Variants in CSGALNACT1 observed in about 807,000 individuals in gnomAD.
The protein encoded by CSGALNACT1 is chondroitin sulfate N-acetylgalactosaminyltransferase 1.
Under a neutral mutation model 51.0 loss-of-function variants are expected in CSGALNACT1, and 52 were observed. That is an observed-to-expected ratio of 1.02 (90% CI 0.82 to 1.29). CSGALNACT1 has a LOEUF of 1.29. Among genes scored for constraint, CSGALNACT1 ranks in the 50% most tolerant of loss-of-function variants. The pLI is 0.00. For missense variants in CSGALNACT1, 935 were observed against 679.2 expected (o/e 1.38, Z -4.19); for synonymous variants, 341 against 254.4 (o/e 1.34, Z -3.24).
At chr8:19,628,357 A>T (rs1180565916) in intron 1 of CSGALNACT1, among the ~76,000 whole-genome samples, 2 of 152,214 alleles carry the variant, frequency 1.3e-5, no homozygotes, top group Admixed American at 6.5e-5. Flanking sequence ...TAAGACCATC[A>T]GCTCTCATGA....
At chr8:19,606,443 T>C (rs551244577), upstream of CSGALNACT1, among the ~76,000 whole-genome samples, 7 of 152,222 alleles carry the variant, frequency 4.6e-5, no homozygotes, top group Non-Finnish European at 1.0e-4. Context: ...ATGTCACACA[T>C]GATAAATTGT....
intron 6 of CSGALNACT1, among the ~76,000 whole-genome samples, chr8:19,431,299 T>C (rs931590219): frequency 6.6e-5 from 10 of 152,118 alleles, no homozygotes; most frequent in Admixed American, 3.3e-4. Context: ...TTTTCATAGA[T>C]GGTTTTTTGT....
intron 5 of CSGALNACT1, among the ~76,000 whole-genome samples, 168 bp downstream of exon 4, chr8:19,458,258 T>C (rs1218957038): frequency 6.6e-6 from 1 of 152,228 alleles, no homozygotes; most frequent in Non-Finnish European, 1.5e-5. Flanking sequence ...CTAATTGCTC[T>C]AGGGAAAGGC....
At chr8:19,659,191 C>T (rs1244603667) in intron 1 of CSGALNACT1, among the ~76,000 whole-genome samples, 2 of 152,164 alleles carry the variant, frequency 1.3e-5, no homozygotes, top group Non-Finnish European at 2.9e-5. Flanking sequence ...CAGGGTATCT[C>T]ACATAAGCTC....
intron 1 of CSGALNACT1, among the ~76,000 whole-genome samples, chr8:19,652,068 T>C (rs1399225362): frequency 6.6e-6 from 1 of 152,168 alleles, no homozygotes; most frequent in East Asian, 1.9e-4. Context: ...TAGCTGGAAC[T>C]ACACGTGTAC....
chr8:19,717,500 CA>C (rs1229259873), intron 1 of CSGALNACT1, among the ~76,000 whole-genome samples: 6 of 152,228 alleles, frequency 3.9e-5, no homozygotes, highest in Non-Finnish European at 8.8e-5. Flanking sequence ...TTCAGCTATA[CA>C]GGTTTTGACA....
chr8:19,590,688 C>T (rs62494466), intron 3 of CSGALNACT1, among the ~76,000 whole-genome samples: 400 of 120,642 alleles, frequency 3.3e-3, no homozygotes, highest in Admixed American at 5.8e-3. Context: ...CTCGCTCTGT[C>T]GCCCAGGCTG....
intron 3 of CSGALNACT1, among the ~76,000 whole-genome samples, chr8:19,530,970 G>A (rs1261211249): frequency 6.6e-6 from 1 of 152,150 alleles, no homozygotes; most frequent in African/African-American, 2.4e-5. Context: ...CACAGAAACT[G>A]TCATCAGTCA....
intron 1 of CSGALNACT1, among the ~76,000 whole-genome samples, chr8:19,662,211 C>T (rs2058823950): frequency 6.6e-6 from 1 of 151,564 alleles, no homozygotes; most frequent in South Asian, 2.1e-4. Context: ...TGGTGAAACC[C>T]CATCTCCACT....
upstream of CSGALNACT1, among the ~76,000 whole-genome samples, chr8:19,685,436 C>T (rs182814343): frequency 1.3e-5 from 2 of 152,188 alleles, no homozygotes; most frequent in South Asian, 2.1e-4. Flanking sequence ...CAGTGAGTCA[C>T]GATTGCACCA....
intron 6 of CSGALNACT1, among the ~76,000 whole-genome samples, chr8:19,429,265 C>T (rs2059291059): frequency 6.6e-6 from 1 of 152,228 alleles, no homozygotes; most frequent in Non-Finnish European, 1.5e-5. Flanking sequence ...CAACCTCCAC[C>T]TCCTGGTTTC....
At chr8:19,491,150 G>C (rs2074281211) in intron 4 of CSGALNACT1, among the ~76,000 whole-genome samples, 3 of 149,838 alleles carry the variant, frequency 2.0e-5, no homozygotes, top group Non-Finnish European at 4.4e-5. Context: ...TCTTTACATA[G>C]CTAGATAAAA....
upstream of CSGALNACT1, among the ~76,000 whole-genome samples, chr8:19,683,650 C>A (rs1188310742): frequency 6.6e-6 from 1 of 151,968 alleles, no homozygotes; most frequent in African/African-American, 2.4e-5. Flanking sequence ...AGACCATATA[C>A]CTGGAAAGTA....
chr8:19,645,368 AAAC>A lies in CSGALNACT1; in HGVS notation c.-544+37102_-544+37104del, dbSNP rs1397629783. On this transcript the variant is annotated intron_variant, in intron 1 of 9. Transcript: ENST00000332246. ...CCAACTGAAGATAACAAAAGCTATA[AAAC>A]AACACTCAAGCACCAAATTCCCTTT... Among the ~76,000 whole-genome samples, 3 of 152,346 alleles carry A rather than the reference AAAC, an allele frequency of 2.0e-5. No homozygotes were observed. The East Asian group carries it at 5.8e-4, about 29-fold the overall frequency.
At chr8:19,486,471 A>G (rs1408989592) in intron 4 of CSGALNACT1, among the ~76,000 whole-genome samples, 1 of 151,914 alleles carries the variant, frequency 6.6e-6, no homozygotes. Flanking sequence ...CCCCTCCCCT[A>G]CTTCTCAGAC....
intron 3 of CSGALNACT1, among the ~76,000 whole-genome samples, chr8:19,508,854 G>C (rs770803223): frequency 2.0e-5 from 3 of 152,164 alleles, no homozygotes; most frequent in Non-Finnish European, 1.5e-5. Context: ...AACTAAATCG[G>C]TGATTTGAAA....
At chr8:19,474,635 G>A (rs932421311) in intron 4 of CSGALNACT1, among the ~76,000 whole-genome samples, 7 of 151,958 alleles carry the variant, frequency 4.6e-5, no homozygotes, top group African/African-American at 9.7e-5. Flanking sequence ...TGGGAGGCCC[G>A]AGGTGGGTGG....
intron 3 of CSGALNACT1, among the ~76,000 whole-genome samples, chr8:19,518,469 C>T (rs1313316659): frequency 6.6e-6 from 1 of 152,142 alleles, no homozygotes; most frequent in Non-Finnish European, 1.5e-5. Flanking sequence ...CAACCTTCCC[C>T]ACACACTATG....
chr8:19,505,225 A>G (rs2077079880), exon 4 of CSGALNACT1: 6 of 1,614,128 alleles, frequency 3.7e-6, no homozygotes, highest in Non-Finnish European at 5.1e-6. Context: ...GAGGCCGTGT[A>G]AGGACGGTGA....
Sources: allele counts gnomAD v4.1 joint callset (sites outside exome capture counted in the v4.1 genomes callset), GRCh38; gene constraint gnomAD v4.1.1; transcripts MANE v1.5; gene names NCBI Gene and HGNC (gene_info 2026-07-23, HGNC 2026-07-21).